Variants in GFRAL observed in about 807,000 individuals in gnomAD.
GFRAL encodes GDNF family receptor alpha-like.
GFRAL carries 36 observed loss-of-function variants against 45.4 expected under a neutral mutation model. That is an observed-to-expected ratio of 0.79 (90% CI 0.61 to 1.05). The LOEUF (loss-of-function observed/expected upper bound fraction) is 1.05, where lower values mean the gene tolerates loss of function less well. GFRAL is among the 50% of genes least tolerant of loss of function. The pLI is 0.00. For synonymous variants in GFRAL, 166 were observed against 154.1 expected (o/e 1.08, Z -0.57); for missense variants, 507 against 467.5 (o/e 1.08, Z -0.78).
intron 8 of GFRAL, among the ~76,000 whole-genome samples, chr6:55,399,779 A>G (rs1470644857): frequency 6.6e-6 from 1 of 152,152 alleles, no homozygotes; most frequent in Non-Finnish European, 1.5e-5. Context: ...AATCATTTGC[A>G]TGATTGATAG....
intron 6 of GFRAL, among the ~76,000 whole-genome samples, chr6:55,364,821 A>G (rs1412458438): frequency 1.3e-5 from 2 of 152,034 alleles, no homozygotes; most frequent in African/African-American, 4.8e-5. Context: ...TACCAGTACC[A>G]TGCTGTTTTG....
chr6:55,381,006 C>T lies in GFRAL; in HGVS notation c.953-18174C>T, dbSNP rs143067403. Among the ~76,000 whole-genome samples the T allele has an allele frequency of 5.9e-5, 9 of 152,052 alleles. No homozygotes were observed. In the East Asian group the frequency reaches 1.7e-3, roughly 29 times the overall value. On this transcript the variant is annotated intron_variant, in intron 6 of 8. Coordinates refer to ENST00000340465, the MANE Select transcript of GFRAL (RefSeq NM_207410.2). ...ACTTTAATAAAAACATTTCAAGCTC[C>T]TTGTATTTTCCAACACTTTTCCTTT...
At chr6:55,398,871 C>G (rs60872117) in intron 6 of GFRAL, among the ~76,000 whole-genome samples, 1 of 152,120 alleles carries the variant, frequency 6.6e-6, no homozygotes, top group African/African-American at 2.4e-5. Context: ...CAAAGATGGC[C>G]TAAAGTAACC....
intron 3 of GFRAL, among the ~76,000 whole-genome samples, chr6:55,336,785 C>T (rs1195876655): frequency 6.6e-6 from 1 of 152,104 alleles, no homozygotes; most frequent in African/African-American, 2.4e-5. Context: ...AAGTGGACAT[C>T]TTACCTTTTC....
At chr6:55,385,675 C>A (rs914378624) in intron 6 of GFRAL, among the ~76,000 whole-genome samples, 6 of 151,854 alleles carry the variant, frequency 4.0e-5, no homozygotes, top group Non-Finnish European at 1.5e-5. Flanking sequence ...TTATAATTGT[C>A]AATTGATTAT....
rs2127367840 is a variant in GFRAL at position 55,399,402 on chromosome 6, T to A, written c.1082T>A (p.Val361Asp). 6.2e-7 allele frequency: 1 copy of A among 1,611,866 alleles called. No individual in the cohort carries two copies. Among genetic ancestry groups the A allele is most frequent in the East Asian group, 2.2e-5 (1 of 44,800 alleles). ...EVIYAAMCMTVTCGILLLVMV... is the reference protein window; with the variant it reads ...EVIYAAMCMTDTCGILLLVMV... ...ATCTATGCTGCCATGTGCATGACAGTCACCTGTGGAATCCTTCTGTTGGTT... is the reference window on the plus strand; with the variant it reads ...ATCTATGCTGCCATGTGCATGACAGACACCTGTGGAATCCTTCTGTTGGTT... The change falls in exon 8 of 9, where the codon GTC becomes GAC. Residue 361 changes from valine (V) to aspartate (D), a missense_variant. Transcript: ENST00000340465.
At chr6:55,395,162 G>GAAA (rs869161118) in intron 6 of GFRAL, among the ~76,000 whole-genome samples, 38 of 125,150 alleles carry the variant, frequency 3.0e-4, no homozygotes, top group South Asian at 1.0e-3. Context: ...TCAGCCTATG[G>GAAA]AAAAAAAAAA....
chr6:55,373,694 C>T (rs551976394), intron 6 of GFRAL, among the ~76,000 whole-genome samples: 2 of 152,032 alleles, frequency 1.3e-5, no homozygotes, highest in Non-Finnish European at 2.9e-5. Flanking sequence ...ATTTATTTAA[C>T]TTAGAAATAC....
intron 6 of GFRAL, among the ~76,000 whole-genome samples, chr6:55,392,882 C>A (rs3843528): frequency 0.23 from 34,670 of 151,510 alleles, 5,480 homozygotes; most frequent in African/African-American, 0.46. Flanking sequence ...AAAAATTAAA[C>A]AAAATAGAAT....
chr6:55,369,789 C>T (rs1404409985), intron 6 of GFRAL, among the ~76,000 whole-genome samples: 1 of 152,114 alleles, frequency 6.6e-6, no homozygotes, highest in Non-Finnish European at 1.5e-5. Context: ...AACATCTTTT[C>T]AGTGACTTGT....
In GFRAL at chr6:55,401,801, T is replaced by G; in HGVS notation, c.1133T>G (p.Ile378Arg). ...TTTATTTTATACAGAACTTCCAGAA[T>G]ATCAAGTAAAGCAAGAGATCCTTCA... ...LVMVKLRTSR[I>R]SSKARDPSSI... The change falls in exon 9 of 9, where the codon ATA becomes AGA. Residue 378 changes from isoleucine (I) to arginine (R), a missense_variant. Transcript: ENST00000340465. The G allele has an allele frequency of 6.6e-7, 1 of 1,523,302 alleles. No homozygotes were observed. The highest frequency in any genetic ancestry group is 9.1e-7 in the Non-Finnish European group (1 of 1,096,856). The allele number at this position is 1,523,302 out of a possible 1,614,324, so 94.4% of individuals were successfully genotyped here.
chr6:55,370,248 A>T (rs1768433435), intron 6 of GFRAL, among the ~76,000 whole-genome samples: 1 of 152,096 alleles, frequency 6.6e-6, no homozygotes, highest in Non-Finnish European at 1.5e-5. Flanking sequence ...AGTGTCTCTC[A>T]ACATCACATT....
rs756002522 is a variant in GFRAL, at chr6:55,333,932, A to G, written c.304A>G (p.Ile102Val). 1.2e-5 allele frequency: 18 copies of G among 1,529,574 alleles called. No individual in the cohort carries two copies. Among genetic ancestry groups the G allele is most frequent in the South Asian group, 6.4e-5 (5 of 78,588 alleles). The allele number at this position is 1,529,574 out of a possible 1,614,324, so 94.8% of individuals were successfully genotyped here. Residue 102 changes from isoleucine to valine, a missense_variant, in exon 3 of 9, where the codon ATC (isoleucine) becomes GTC (valine). Coordinates refer to ENST00000340465, the MANE Select transcript of GFRAL (RefSeq NM_207410.2). ...TVNKLLGKKC[I>V]NKSDNVKEDK... The stretch of plus-strand genomic sequence containing the variant: ...GAACAAACTGCTTGGAAAAAAATGT[A>G]TCAATAAATCAGGTAATATTTTGTT...
intron 6 of GFRAL, among the ~76,000 whole-genome samples, chr6:55,395,707 A>T (rs1050157765): frequency 6.6e-6 from 1 of 151,846 alleles, no homozygotes; most frequent in Non-Finnish European, 1.5e-5. Flanking sequence ...CAATGCATTT[A>T]CTGTTTCATG....
At chr6:55,335,334 GT>G (rs1562047576) in intron 3 of GFRAL, among the ~76,000 whole-genome samples, 1 of 151,996 alleles carries the variant, frequency 6.6e-6, no homozygotes, top group Non-Finnish European at 1.5e-5. Context: ...ATTGCATTGA[GT>G]TTTGAGAGCT....
At chr6:55,388,361 C>T (rs1040092740) in intron 6 of GFRAL, among the ~76,000 whole-genome samples, 3 of 152,088 alleles carry the variant, frequency 2.0e-5, no homozygotes, top group African/African-American at 4.8e-5. Context: ...TCTCAGAGGG[C>T]GACTCATCTT....
chr6:55,400,890 C>T (rs945381317), intron 8 of GFRAL, among the ~76,000 whole-genome samples: 1 of 152,088 alleles, frequency 6.6e-6, no homozygotes, highest in Non-Finnish European at 1.5e-5. Context: ...TTTTCTGGCC[C>T]GGCAAAAACA....
chr6:55,337,459 G>C (rs1235915819), intron 3 of GFRAL, among the ~76,000 whole-genome samples: 1 of 152,006 alleles, frequency 6.6e-6, no homozygotes, highest in Non-Finnish European at 1.5e-5. Context: ...TCAATATTCT[G>C]GAAAAGCACA....
chr6:55,342,987 T>C (rs1470786045), intron 3 of GFRAL, among the ~76,000 whole-genome samples: 3 of 152,134 alleles, frequency 2.0e-5, no homozygotes, highest in African/African-American at 7.2e-5. Flanking sequence ...CTATCCTAAA[T>C]ATATATGCAC....
Sources: allele counts gnomAD v4.1 joint callset (sites outside exome capture counted in the v4.1 genomes callset), GRCh38; gene constraint gnomAD v4.1.1; transcripts MANE v1.5; gene names NCBI Gene and HGNC (gene_info 2026-07-23, HGNC 2026-07-21).